GALNTL6: variants seen among roughly 807,000 people sequenced by gnomAD.
GALNTL6 encodes the protein polypeptide N-acetylgalactosaminyltransferase like 6, also known as polypeptide N-acetylgalactosaminyltransferase-like 6.
A neutral mutation model predicts 73.7 loss-of-function variants in GALNTL6; 46 were observed. The ratio of observed to expected loss-of-function variants is 0.62; its 90% CI spans 0.49 to 0.80. The LOEUF is 0.80. Among genes scored for constraint, GALNTL6 ranks in the 30% least tolerant of loss-of-function variants. The pLI is 0.00. For missense variants in GALNTL6, 604 were observed against 755.0 expected, an observed-to-expected ratio of 0.80 and a Z score of 2.34; for synonymous variants, 259 against 263.7, an observed-to-expected ratio of 0.98 and a Z score of 0.17.
chr4:171,869,615 G>A (rs144075800), intron 2 of GALNTL6, among the ~76,000 whole-genome samples: 1 of 152,104 alleles, frequency 6.6e-6, no homozygotes, highest in East Asian at 1.9e-4. Context: ...GAAGATTATT[G>A]AGTCCATTGA....
intron 5 of GALNTL6, among the ~76,000 whole-genome samples, chr4:172,577,864 A>G (rs1737018945): frequency 6.6e-6 from 1 of 151,844 alleles, no homozygotes; most frequent in Non-Finnish European, 1.5e-5. Flanking sequence ...GCTCCCCACA[A>G]CTCCCCAAAA....
chr4:172,301,937 C>A (rs906649418), intron 3 of GALNTL6, among the ~76,000 whole-genome samples: 1 of 152,184 alleles, frequency 6.6e-6, no homozygotes, highest in Admixed American at 6.5e-5. Flanking sequence ...TTTGTGCTGC[C>A]TTTTGTTTGG....
Position 172,919,305 on chromosome 4 carries a change from T to C in GALNTL6, c.1042-11856T>C, listed in dbSNP as rs10005779. ...TCAAGTGCTGCTAGGACCTTTGCTC[T>C]GAATGTCTCCCCACCATGCCTCTCA... On this transcript the variant is annotated intron_variant, in intron 8 of 12. Transcript: ENST00000506823. 7.9e-3 allele frequency among the ~76,000 whole-genome samples: 1,207 copies of C among 152,318 alleles called. 12 individuals carry two copies. The highest frequency in any genetic ancestry group is 0.028 in the African/African-American group (1,146 of 41,564).
intron 2 of GALNTL6, among the ~76,000 whole-genome samples, chr4:172,146,727 G>A (rs1733936828): frequency 6.6e-6 from 1 of 152,054 alleles, no homozygotes; most frequent in Admixed American, 6.5e-5. Context: ...GTCAGGGCAG[G>A]GACCCAGTGC....
intron 5 of GALNTL6, among the ~76,000 whole-genome samples, chr4:172,361,342 G>A (rs1175011780): frequency 6.7e-6 from 1 of 150,030 alleles, no homozygotes; most frequent in Admixed American, 6.7e-5. Flanking sequence ...GTCATCATTA[G>A]TGGCAGGTAT....
chr4:172,217,545 A>G (rs1736533613), intron 2 of GALNTL6, among the ~76,000 whole-genome samples: 2 of 152,212 alleles, frequency 1.3e-5, no homozygotes, highest in African/African-American at 4.8e-5. Context: ...CGTTTGTTCT[A>G]CTGATAAAGC....
chr4:172,766,065 A>G (rs1738389816), intron 5 of GALNTL6, among the ~76,000 whole-genome samples: 1 of 152,170 alleles, frequency 6.6e-6, no homozygotes, highest in Non-Finnish European at 1.5e-5. Flanking sequence ...AGCAGAAATG[A>G]AGAGAATGAA....
At chr4:172,768,828 GCTATTT>G (rs1189670338) in intron 5 of GALNTL6, among the ~76,000 whole-genome samples, 1 of 152,008 alleles carries the variant, frequency 6.6e-6, no homozygotes, top group Non-Finnish European at 1.5e-5. Flanking sequence ...TGTTTATGCA[GCTATTT>G]CAACAGTTTC....
chr4:172,293,450 CCT>C (rs33926707), intron 3 of GALNTL6, among the ~76,000 whole-genome samples: 143,670 of 152,052 alleles, frequency 0.94, 68,384 homozygotes, highest in East Asian at 1. Context: ...CAATGAAAAA[CCT>C]CAAGTTTGAG....
chr4:172,135,340 C>G (rs1178695138), intron 2 of GALNTL6, among the ~76,000 whole-genome samples: 1 of 151,978 alleles, frequency 6.6e-6, no homozygotes, highest in Non-Finnish European at 1.5e-5. Context: ...GGATGCTGTA[C>G]TGGATTCATC....
chr4:172,417,224 AT>A (rs1249352726), intron 5 of GALNTL6, among the ~76,000 whole-genome samples: 2 of 151,378 alleles, frequency 1.3e-5, no homozygotes, highest in African/African-American at 4.9e-5. Context: ...TGAAAAAATC[AT>A]TTTTTTTAAT....
chr4:172,177,638 C>G (rs1209136464), intron 2 of GALNTL6, among the ~76,000 whole-genome samples: 3 of 151,424 alleles, frequency 2.0e-5, no homozygotes, highest in Non-Finnish European at 4.4e-5. Context: ...AAATAGATAT[C>G]ATTTTATATT....
chr4:172,805,845 A>G (rs534918714), intron 5 of GALNTL6, among the ~76,000 whole-genome samples: 2 of 152,108 alleles, frequency 1.3e-5, no homozygotes, highest in South Asian at 2.1e-4. Flanking sequence ...AAATGGGGGG[A>G]GTAAATTGGC....
At position 172,270,998 on chromosome 4, in the gene GALNTL6, A is replaced by G. The variant is rs1456649347; in HGVS notation, c.248-40616A>G. 3.3e-5 allele frequency among the ~76,000 whole-genome samples: 5 copies of G among 152,262 alleles called. No individual in the cohort carries two copies. In the East Asian group the frequency reaches 9.6e-4, roughly 29 times the overall value. ...ATATTTCTCTACACTACTAATATAGATGTCCCATAGATAAAGACCCAGACA... is the reference window on the plus strand; with the variant it reads ...ATATTTCTCTACACTACTAATATAGGTGTCCCATAGATAAAGACCCAGACA... On this transcript the variant is annotated intron_variant, in intron 3 of 12. Transcript: ENST00000506823.
chr4:172,938,556 G>T (rs1180758472), intron 9 of GALNTL6, among the ~76,000 whole-genome samples: 2 of 152,218 alleles, frequency 1.3e-5, no homozygotes, highest in East Asian at 3.8e-4. Context: ...AAGTATGGTG[G>T]TGATGAATGG....
At chr4:171,880,159 A>G (rs1736398273) in intron 2 of GALNTL6, among the ~76,000 whole-genome samples, 1 of 152,194 alleles carries the variant, frequency 6.6e-6, no homozygotes, top group African/African-American at 2.4e-5. Flanking sequence ...AGTTCTTCTC[A>G]TTAACATTTC....
At chr4:172,370,678 G>A (rs916493534) in intron 5 of GALNTL6, among the ~76,000 whole-genome samples, 9 of 150,288 alleles carry the variant, frequency 6.0e-5, no homozygotes, top group African/African-American at 1.5e-4. Context: ...GTCTGACTTC[G>A]GAAGCCTTTT....
chr4:172,264,183 A>G (rs1738353847), intron 3 of GALNTL6, among the ~76,000 whole-genome samples: 1 of 151,620 alleles, frequency 6.6e-6, no homozygotes, highest in Non-Finnish European at 1.5e-5. Context: ...ATATCCAAGA[A>G]TAAGACCAAC....
At chr4:172,765,344 A>G (rs2110841962) in intron 5 of GALNTL6, among the ~76,000 whole-genome samples, 1 of 152,318 alleles carries the variant, frequency 6.6e-6, no homozygotes, top group Admixed American at 6.5e-5. Flanking sequence ...ATTTAGTTTC[A>G]TGTTTATATA....
Sources: gnomAD v4.1 joint callset for allele counts (sites outside exome capture counted in the v4.1 genomes callset) on GRCh38, gnomAD v4.1.1 for gene constraint, MANE v1.5 for transcripts, NCBI Gene and HGNC (gene_info 2026-07-23, HGNC 2026-07-21) for gene names.